TTC6: variants seen among roughly 807,000 people sequenced by gnomAD.
TTC6 encodes tetratricopeptide repeat protein 6.
A neutral mutation model predicts 210.4 loss-of-function variants in TTC6; 172 were observed. The observed-to-expected ratio is 0.82, with a 90% CI of 0.72 to 0.93. The LOEUF is 0.93. Ranked by LOEUF, TTC6 falls within the 40% of genes least tolerant of loss-of-function variation. TTC6 has a pLI of 0.00. For synonymous variants in TTC6, 804 were observed against 819.6 expected, an observed-to-expected ratio of 0.98 and a Z score of 0.32; for missense variants, 2,414 against 2,318.1, an observed-to-expected ratio of 1.04 and a Z score of -0.85.
At chr14:37,773,997 A>G (rs1328907587) in intron 14 of TTC6, among the ~76,000 whole-genome samples, 1 of 151,968 alleles carries the variant, frequency 6.6e-6, no homozygotes, top group East Asian at 1.9e-4. Context: ...CTGTATTCCT[A>G]GGTGTTGTAT....
chr14:37,767,927 GT>G (rs1360436371), intron 14 of TTC6, among the ~76,000 whole-genome samples: 10 of 145,148 alleles, frequency 6.9e-5, no homozygotes, highest in Non-Finnish European at 1.4e-4. Context: ...GGTTTTTATG[GT>G]TTTAGGTCTA....
intron 10 of TTC6, among the ~76,000 whole-genome samples, chr14:37,745,140 A>G (rs2095932192): frequency 1.3e-5 from 2 of 152,106 alleles, no homozygotes; most frequent in South Asian, 2.1e-4. Context: ...GATTCTCCTA[A>G]ACTAGGGAAA....
intron 3 of TTC6, among the ~76,000 whole-genome samples, chr14:37,695,446 C>T (rs1400471159): frequency 1.3e-5 from 2 of 152,038 alleles, no homozygotes; most frequent in Non-Finnish European, 2.9e-5. Flanking sequence ...CCTATGCCTC[C>T]CAGGTTTGAA....
chr14:37,713,185 A>T lies in TTC6; in HGVS notation c.1572-1470A>T, dbSNP rs573233853. The stretch of plus-strand genomic sequence containing the variant: ...AACCAGTAAAAAACACAACTCACAA[A>T]GTCATAACTGGAACACTGCTACAGA... On this transcript the variant is annotated intron_variant, in intron 5 of 30. Coordinates refer to ENST00000553443, the Ensembl canonical transcript of TTC6. Among the ~76,000 whole-genome samples the T allele has an allele frequency of 3.9e-5, 6 of 152,348 alleles. No individual in the cohort carries two copies. In the East Asian group the frequency reaches 1.2e-3, roughly 29 times the overall value.
chr14:37,719,624 G>T (rs2095858137), intron 6 of TTC6, among the ~76,000 whole-genome samples: 1 of 151,964 alleles, frequency 6.6e-6, no homozygotes, highest in Non-Finnish European at 1.5e-5. Context: ...TCAAACAATT[G>T]TTGCTCAATC....
At chr14:37,670,742 A>T (rs2138475425) in intron 1 of TTC6, among the ~76,000 whole-genome samples, 1 of 152,186 alleles carries the variant, frequency 6.6e-6, no homozygotes, top group Non-Finnish European at 1.5e-5. Flanking sequence ...AAGTGCTGGG[A>T]TTACAGGTGT....
chr14:37,825,183 C>A (rs1220625497), intron 27 of TTC6, among the ~76,000 whole-genome samples: 1 of 152,096 alleles, frequency 6.6e-6, no homozygotes, highest in Non-Finnish European at 1.5e-5. Flanking sequence ...GAAATGAGCA[C>A]AACAGATGTG....
At chr14:37,833,270 ATTGCTTT>A (rs1340040452) in intron 29 of TTC6, among the ~76,000 whole-genome samples, 1 of 152,058 alleles carries the variant, frequency 6.6e-6, no homozygotes, top group East Asian at 1.9e-4. Flanking sequence ...ACCTATAATA[ATTGCTTT>A]ATATATCTGG....
chr14:37,719,126 A>T (rs898998830), intron 6 of TTC6, among the ~76,000 whole-genome samples: 6 of 152,320 alleles, frequency 3.9e-5, no homozygotes, highest in African/African-American at 1.4e-4. Context: ...AAAAACTGAA[A>T]TAATCAAGTG....
chr14:37,800,274 T>C (rs888058185), intron 20 of TTC6, among the ~76,000 whole-genome samples: 16 of 152,162 alleles, frequency 1.1e-4, no homozygotes, highest in African/African-American at 3.9e-4. Context: ...AATTTTCTCA[T>C]TTAGTTGTAT....
chr14:37,638,972 A>G (rs765417357), intron 1 of TTC6, among the ~76,000 whole-genome samples: 1 of 152,164 alleles, frequency 6.6e-6, no homozygotes, highest in African/African-American at 2.4e-5. Context: ...ACACTTCTCA[A>G]TTTCTTAGTA....
At chr14:37,721,295 T>G (rs564778991) in intron 6 of TTC6, among the ~76,000 whole-genome samples, 7 of 152,136 alleles carry the variant, frequency 4.6e-5, no homozygotes, top group Admixed American at 4.6e-4. Flanking sequence ...ACATCACACA[T>G]TGGTTATTTG....
chr14:37,736,256 C>A (rs2095901304), intron 8 of TTC6, among the ~76,000 whole-genome samples: 1 of 151,972 alleles, frequency 6.6e-6, no homozygotes, highest in Non-Finnish European at 1.5e-5. Context: ...GATGTGGTGG[C>A]ACGTGCCTGT....
chr14:37,683,889 C>T (rs2095789100), intron 3 of TTC6, among the ~76,000 whole-genome samples: 1 of 151,974 alleles, frequency 6.6e-6, no homozygotes, highest in Admixed American at 6.6e-5. Context: ...AAAACAGACC[C>T]TTTTCCTTGA....
At chr14:37,669,030 C>A (rs563273498) in intron 1 of TTC6, among the ~76,000 whole-genome samples, 2 of 152,324 alleles carry the variant, frequency 1.3e-5, no homozygotes, top group Admixed American at 1.3e-4. Flanking sequence ...CAACTGAAAA[C>A]CTTGACTGAA....
chr14:37,751,866 C>T (rs1302937781), intron 13 of TTC6, among the ~76,000 whole-genome samples: 2 of 147,304 alleles, frequency 1.4e-5, no homozygotes, highest in African/African-American at 5.0e-5. Flanking sequence ...CGCTGTTGCC[C>T]AGGCTGGAGT....
At chr14:37,759,295 A>G (rs879425019) in intron 14 of TTC6, among the ~76,000 whole-genome samples, 1 of 151,978 alleles carries the variant, frequency 6.6e-6, no homozygotes, top group Non-Finnish European at 1.5e-5. Flanking sequence ...AAAAAAAAGA[A>G]AGTTCTTTTC....
At chr14:37,805,109 A>G (rs1208785183) in intron 21 of TTC6, among the ~76,000 whole-genome samples, 1 of 152,250 alleles carries the variant, frequency 6.6e-6, no homozygotes, top group Non-Finnish European at 1.5e-5. Context: ...ATTTTATCAC[A>G]GTAGTATGAG....
chr14:37,807,300 CT>C lies in TTC6; in HGVS notation c.4315-19del, dbSNP rs370781097. On this transcript the variant is annotated intron_variant, in intron 22 of 30. Coordinates refer to ENST00000553443, the Ensembl canonical transcript of TTC6. ...TTACTAAAGCATCCATTCCTGCTTT[CT>C]CTCTCTCTCTCTGAATAGGCATATT... 19 of 1,054,214 alleles carry C rather than the reference CT, an allele frequency of 1.8e-5. No individual in the cohort carries two copies. Among genetic ancestry groups the C allele is most frequent in the African/African-American group, 1.8e-4 (11 of 61,848 alleles). 65.3% of individuals were successfully genotyped at this position (1,054,214 alleles called of 1,614,324 possible).
Sources: gnomAD v4.1 joint callset for allele counts (sites outside exome capture counted in the v4.1 genomes callset) on GRCh38, gnomAD v4.1.1 for gene constraint, MANE v1.5 for transcripts, NCBI Gene and HGNC (gene_info 2026-07-23, HGNC 2026-07-21) for gene names.